The following CEACAM3 variants were observed in gnomAD, a reference collection of about 807,000 sequenced individuals.
The protein encoded by CEACAM3 is CEA cell adhesion molecule 3.
A neutral mutation model predicts 30.1 loss-of-function variants in CEACAM3; 32 were observed. The ratio of observed to expected loss-of-function variants is 1.06; its 90% confidence interval spans 0.80 to 1.43. CEACAM3 has a LOEUF of 1.43. Ranked by LOEUF, CEACAM3 falls within the 40% of genes most tolerant of loss-of-function variation. CEACAM3 has a pLI of 0.00. For synonymous variants in CEACAM3, 134 were observed against 127.2 expected (o/e 1.05, Z -0.36); for missense variants, 290 against 316.3 (o/e 0.92, Z 0.63).
At chr19:41,810,063 G>T in intron 4 of CEACAM3, 46 bp downstream of exon 4, 1 of 1,571,308 alleles carries the variant, frequency 6.4e-7, no homozygotes, top group Non-Finnish European at 8.7e-7. Context: ...CCCTAGGACA[G>T]CCCCACAGTG....
chr19:41,807,279 G>A, intron 2 of CEACAM3: 1 of 1,608,594 alleles, frequency 6.2e-7, no homozygotes. Flanking sequence ...AATGACAAGA[G>A]GACCCTCACT....
At chr19:41,807,101 T>A (rs10423533) in intron 2 of CEACAM3, 1 of 1,609,612 alleles carries the variant, frequency 6.2e-7, no homozygotes, top group African/African-American at 1.3e-5. Flanking sequence ...TCTCTCTGTT[T>A]TCTGCACAGC....
At chr19:41,806,555 A>T (rs1184302808) in intron 2 of CEACAM3, among the ~76,000 whole-genome samples, 1 of 152,144 alleles carries the variant, frequency 6.6e-6, no homozygotes, top group Non-Finnish European at 1.5e-5. Flanking sequence ...TGCTTAATTC[A>T]CAGTTGAGAA....
At position 41,807,528 on chromosome 19, in the gene CEACAM3, G is replaced by A. The variant is rs2073213100; in HGVS notation, c.425-1285G>A. 1.3e-5 allele frequency: 18 copies of A among 1,374,926 alleles called. No homozygotes were observed. In the South Asian group the frequency reaches 2.4e-4, roughly 18 times the overall value. The allele number at this position is 1,374,926 out of a possible 1,614,324, so 85.2% of individuals were successfully genotyped here. A position where few individuals can be genotyped will look rare whatever the true frequency, so the allele number is the denominator to read the frequency against. ...TCACTTCCTGTCCCAAGCAAACCTG[G>A]GCAGACCCAGCCTTGACCAAGAATA... On this transcript the variant is annotated intron_variant, in intron 2 of 6. Transcript: ENST00000357396.
chr19:41,807,281 A>T (rs972998213), intron 2 of CEACAM3: 2 of 1,608,454 alleles, frequency 1.2e-6, no homozygotes, highest in African/African-American at 2.7e-5. Context: ...TGACAAGAGG[A>T]CCCTCACTCT....
Position 41,797,689 on chromosome 19 carries a change from C to T in CEACAM3, c.165C>T (p.Val55=), listed in dbSNP as rs2073113204. 6.2e-7 allele frequency: 1 copy of T among 1,614,106 alleles called. No individual in the cohort carries two copies. Among genetic ancestry groups the T allele is most frequent in the Non-Finnish European group, 8.5e-7 (1 of 1,180,012 alleles). ...AGGGGAAGGAGGTGCTTCTACTTGT[C>T]CACAATCTGCCCCAGCATCTTTTTG... ...VAEGKEVLLL[V]HNLPQHLFGY... Residue 55 remains valine, a synonymous_variant, in exon 2 of 7, where the codon GTC becomes GTT. Transcript: ENST00000357396.
chr19:41,810,809 T>C, intron 5 of CEACAM3, 23 bp from the exon 6 acceptor site: 1 of 1,603,454 alleles, frequency 6.2e-7, no homozygotes, highest in Non-Finnish European at 8.5e-7. Context: ...TGGGCCTCCA[T>C]GACCCTCCCT....
rs782056265 is a variant in CEACAM3 at position 41,808,780 on chromosome 19, G to A, written c.425-33G>A. ...GTGGTTTCCTCTGGGATAGACTTGG[G>A]CCTCTATCCCCTTTGCCTTCTTCTT... On this transcript the variant is annotated intron_variant, in intron 2 of 6. Transcript: ENST00000357396. The A allele has an allele frequency of 5.1e-5, 79 of 1,555,430 alleles. 1 individual carries two copies. In the South Asian group the frequency reaches 8.3e-4, roughly 16 times the overall value.
intron 3 of CEACAM3, 21 bp downstream of exon 3, chr19:41,808,951 C>T: frequency 6.6e-7 from 1 of 1,504,316 alleles, no homozygotes; most frequent in South Asian, 1.3e-5. Context: ...TTTTTCCCAT[C>T]CTTCTCCCAC....
At chr19:41,796,884 T>C (rs2073106938) in intron 1 of CEACAM3, 143 bp downstream of exon 1, 2 of 791,808 alleles carry the variant, frequency 2.5e-6, no homozygotes, top group Admixed American at 6.2e-5. Flanking sequence ...GGGACACGGG[T>C]CACAACAAGA....
Position 41,797,826 on chromosome 19 carries a change from T to C in CEACAM3, c.302T>C (p.Ile101Thr). The C allele has an allele frequency of 6.2e-7, 1 of 1,612,900 alleles. No homozygotes were observed. Among genetic ancestry groups the C allele is most frequent in the East Asian group, 2.2e-5 (1 of 44,882 alleles). Residue 101 changes from isoleucine to threonine, a missense_variant, in exon 2 of 7, where the codon ATA becomes ACA. Transcript: ENST00000357396. ...PGAAYSGRET[I>T]YTNASLLIQN... ...GCCGCATACAGCGGTCGAGAGACAA[T>C]ATACACCAATGCATCCCTGCTGATC...
rs538162135 is a variant in CEACAM3, at chr19:41,811,151, G to T, written c.694-21G>T. 4 of 1,613,348 alleles carry T rather than the reference G, an allele frequency of 2.5e-6. No individual in the cohort carries two copies. The South Asian group carries it at 3.3e-5, about 13-fold the overall frequency. On this transcript the variant is annotated intron_variant, in intron 6 of 6. Transcript: ENST00000357396. ...TTCTGAGGAGACTAGAGGGGTCCAG[G>T]CCTCTTCTCTGTTTTAACAGGAATT...
intron 2 of CEACAM3, among the ~76,000 whole-genome samples, chr19:41,800,204 C>T (rs899525527): frequency 6.6e-6 from 1 of 152,092 alleles, no homozygotes; most frequent in Non-Finnish European, 1.5e-5. Context: ...CCAGGCCATA[C>T]AGAGATAGGA....
chr19:41,808,796 C>T lies in CEACAM3; in HGVS notation c.425-17C>T, dbSNP rs1568743401. On this transcript the variant is annotated splice_polypyrimidine_tract_variant and intron_variant, in intron 2 of 6. Coordinates refer to ENST00000357396, the MANE Select transcript of CEACAM3 (RefSeq NM_001815.5). Reference sequence around the variant, plus strand: ...TAGACTTGGGCCTCTATCCCCTTTGCCTTCTTCTTTCTGCAGAAGAAAATG... The same window carrying T: ...TAGACTTGGGCCTCTATCCCCTTTGTCTTCTTCTTTCTGCAGAAGAAAATG... 2.5e-6 allele frequency: 4 copies of T among 1,603,056 alleles called. No individual in the cohort carries two copies. The highest frequency in any genetic ancestry group is 2.2e-5 in the East Asian group (1 of 44,744).
intron 2 of CEACAM3, among the ~76,000 whole-genome samples, chr19:41,802,238 A>C (rs2073155922): frequency 6.6e-6 from 1 of 152,152 alleles, no homozygotes; most frequent in South Asian, 2.1e-4. Flanking sequence ...TCATTCAGCT[A>C]TGGGGCTCCC....
intron 2 of CEACAM3, among the ~76,000 whole-genome samples, chr19:41,801,515 AAG>A (rs2073146797): frequency 6.6e-6 from 1 of 152,262 alleles, no homozygotes; most frequent in Non-Finnish European, 1.5e-5. Flanking sequence ...GCAGTCAAGA[AAG>A]AGTTTAATTA....
rs531178819 is a variant in CEACAM3, at chr19:41,808,221, T to C, written c.425-592T>C. 1.2e-4 allele frequency among the ~76,000 whole-genome samples: 19 copies of C among 152,342 alleles called. No individual in the cohort carries two copies. The South Asian group carries it at 2.7e-3, about 22-fold the overall frequency. The stretch of plus-strand genomic sequence containing the variant: ...TGTTCTGATTTCTCACAGCTGACCT[T>C]GGGGCCAGCCTGGAATGTTGTACAA... On this transcript the variant is annotated intron_variant, in intron 2 of 6. Transcript: ENST00000357396.
Position 41,811,420 on chromosome 19 carries a change from C to T in CEACAM3, c.*183C>T. 1.6e-6 allele frequency: 1 copy of T among 608,378 alleles called. No homozygotes were observed. Among genetic ancestry groups the T allele is most frequent in the Admixed American group, 2.8e-5 (1 of 35,670 alleles). The allele number at this position is 608,378 out of a possible 1,614,324, so 37.7% of individuals were successfully genotyped here. A position where few individuals can be genotyped will look rare whatever the true frequency, so the allele number is the denominator to read the frequency against. ...ATATCTGGAGACCTCGACAGCCTGC[C>T]CTAGGCCCTGGGTGGGTCAGGACAA... On this transcript the variant is annotated 3_prime_UTR_variant, in exon 7 of 7. Transcript: ENST00000357396.
At chr19:41,800,501 G>A (rs1343899747) in intron 2 of CEACAM3, among the ~76,000 whole-genome samples, 1 of 152,204 alleles carries the variant, frequency 6.6e-6, no homozygotes, top group Non-Finnish European at 1.5e-5. Context: ...TCCACTCGCA[G>A]TTATCCGGAG....
Sources: gnomAD v4.1 joint callset for allele counts (sites outside exome capture counted in the v4.1 genomes callset) on GRCh38, gnomAD v4.1.1 for gene constraint, MANE v1.5 for transcripts, NCBI Gene and HGNC (gene_info 2026-07-23, HGNC 2026-07-21) for gene names.